Variants in AGTPBP1 observed in about 807,000 individuals in gnomAD.
AGTPBP1 encodes the protein ATP/GTP binding carboxypeptidase 1, also known as cytosolic carboxypeptidase 1.
Under a neutral mutation model 143.9 loss-of-function variants are expected in AGTPBP1, and 70 were observed. The ratio of observed to expected loss-of-function variants is 0.49; its 90% CI spans 0.40 to 0.59. The LOEUF (loss-of-function observed/expected upper bound fraction) is 0.59. Among genes scored for constraint, AGTPBP1 ranks in the 20% least tolerant of loss-of-function variants. The pLI is 0.00. For missense variants in AGTPBP1, 1,229 were observed against 1,464.5 expected (o/e 0.84, Z 2.62); for synonymous variants, 463 against 500.2 (o/e 0.93, Z 0.99).
the AGTPBP1 span, chr9:85,781,096 G>A: frequency 7.3e-7 from 1 of 1,376,102 alleles, no homozygotes; most frequent in African/African-American, 1.5e-5. Context: ...CTCTAGCCTG[G>A]GCGACAGTGC....
At chr9:85,766,402 G>A in the AGTPBP1 span, among the ~76,000 whole-genome samples, 3 of 152,096 alleles carry the variant, frequency 2.0e-5, no homozygotes, top group African/African-American at 7.2e-5. Context: ...AAAGAAGTCC[G>A]TTTTAGACAG....
At chr9:85,667,812 G>C (rs1456851740) in intron 8 of AGTPBP1, among the ~76,000 whole-genome samples, 3 of 148,126 alleles carry the variant, frequency 2.0e-5, no homozygotes, top group African/African-American at 7.5e-5. Flanking sequence ...AAAAAACAGG[G>C]AAACTTTTTT....
chr9:85,558,037 TAAAAC>T lies in AGTPBP1; in HGVS notation c.3504-10756_3504-10752del, dbSNP rs543697333. Among the ~76,000 whole-genome samples the T allele has an allele frequency of 1.4e-4, 21 of 152,340 alleles. No homozygotes were observed. The East Asian group carries it at 3.1e-3, about 22-fold the overall frequency. On this transcript the variant is annotated intron_variant, in intron 25 of 25. Coordinates refer to ENST00000357081, the MANE Select transcript of AGTPBP1 (RefSeq NM_001330701.2). The stretch of plus-strand genomic sequence containing the variant: ...ACCAAATTAGGTTTTTTAAAAATGT[TAAAAC>T]AAAATATAACTAATGCTAAGTATTT...
At chr9:85,576,314 T>C (rs1355704552) in intron 24 of AGTPBP1, among the ~76,000 whole-genome samples, 2 of 152,196 alleles carry the variant, frequency 1.3e-5, no homozygotes, top group Admixed American at 1.3e-4. Flanking sequence ...CAAGAGAAAG[T>C]ATTTTAAAAC....
intron 8 of AGTPBP1, among the ~76,000 whole-genome samples, chr9:85,667,378 G>A (rs1834192420): frequency 6.6e-6 from 1 of 152,010 alleles, no homozygotes; most frequent in Admixed American, 6.6e-5. Context: ...AAATCAAATA[G>A]TTCATGTGGA....
At chr9:85,675,267 C>T (rs927763378) in intron 6 of AGTPBP1, among the ~76,000 whole-genome samples, 13 of 152,234 alleles carry the variant, frequency 8.5e-5, no homozygotes, top group South Asian at 2.1e-4. Context: ...AGTAGACAAC[C>T]GTAAACTGAA....
At chr9:85,549,703 G>C (rs1028409532) in intron 25 of AGTPBP1, among the ~76,000 whole-genome samples, 1 of 152,188 alleles carries the variant, frequency 6.6e-6, no homozygotes, top group African/African-American at 2.4e-5. Flanking sequence ...AGGAATCTTA[G>C]AGCAATGTTG....
intron 25 of AGTPBP1, among the ~76,000 whole-genome samples, chr9:85,558,812 T>A (rs1826513213): frequency 6.6e-6 from 1 of 152,072 alleles, no homozygotes; most frequent in Non-Finnish European, 1.5e-5. Flanking sequence ...AGAGACAGGG[T>A]TTCACCACGT....
chr9:85,625,003 G>A (rs1358890797), intron 14 of AGTPBP1, among the ~76,000 whole-genome samples: 4 of 152,118 alleles, frequency 2.6e-5, no homozygotes, highest in Non-Finnish European at 5.9e-5. Flanking sequence ...TTCATAAAAA[G>A]GTTACACCAT....
At chr9:85,575,619 G>A in intron 24 of AGTPBP1, 144 bp from the exon 25 acceptor site, 1 of 551,708 alleles carries the variant, frequency 1.8e-6, no homozygotes, top group Non-Finnish European at 2.8e-6. Flanking sequence ...GACTCAACAA[G>A]TTTAACATCT....
chr9:85,776,301 G>A, the AGTPBP1 span, among the ~76,000 whole-genome samples: 69 of 152,268 alleles, frequency 4.5e-4, no homozygotes, highest in Middle Eastern at 3.4e-3. Flanking sequence ...GACAGTTACC[G>A]TCCTTGTTTC....
chr9:85,752,010 C>T, the AGTPBP1 span, among the ~76,000 whole-genome samples: 2 of 151,216 alleles, frequency 1.3e-5, no homozygotes, highest in Admixed American at 1.3e-4. Context: ...AGGTGGATCA[C>T]CTGAGTTCAG....
chr9:85,577,742 A>G (rs573091338), intron 24 of AGTPBP1, among the ~76,000 whole-genome samples: 27 of 152,338 alleles, frequency 1.8e-4, no homozygotes, highest in African/African-American at 6.3e-4. Context: ...TTATTTAAGT[A>G]AATTCTACTT....
intron 17 of AGTPBP1, among the ~76,000 whole-genome samples, chr9:85,599,493 T>TA (rs1194429297): frequency 6.6e-6 from 1 of 152,180 alleles, no homozygotes; most frequent in African/African-American, 2.4e-5. Context: ...TCCACCCTCA[T>TA]AGTCATGATT....
At chr9:85,586,581 A>G (rs1413475648) in intron 22 of AGTPBP1, among the ~76,000 whole-genome samples, 1 of 152,212 alleles carries the variant, frequency 6.6e-6, no homozygotes, top group African/African-American at 2.4e-5. Context: ...GAAGATACAT[A>G]TTGTTACCTT....
the AGTPBP1 span, among the ~76,000 whole-genome samples, chr9:85,756,674 T>C: frequency 6.6e-6 from 1 of 152,174 alleles, no homozygotes; most frequent in African/African-American, 2.4e-5. Flanking sequence ...ACAGTATTCA[T>C]AGTAGCTAGA....
intron 25 of AGTPBP1, among the ~76,000 whole-genome samples, chr9:85,563,902 G>T (rs568945604): frequency 6.6e-6 from 1 of 152,332 alleles, no homozygotes; most frequent in East Asian, 1.9e-4. Flanking sequence ...CCCAGGTGTG[G>T]TACACATGCA....
rs149522431 is a variant in AGTPBP1, at chr9:85,575,398, C to T, written c.3420G>A (p.Leu1140=). The change falls in exon 25 of 26, where the codon CTG becomes CTA. Residue 1140 remains leucine (L), a synonymous_variant. Transcript: ENST00000357081. ...FCVGLLRLKR[L]TSPLEYNLPS... ...GCAGATTATACTCCAATGGAGAGGT[C>T]AGTCTTTTCAAACGTAAAAGACCAA... 10 of 1,610,848 alleles carry T rather than the reference C, an allele frequency of 6.2e-6. No individual in the cohort carries two copies. In the African/African-American group the frequency reaches 1.3e-4, roughly 22 times the overall value.
intron 13 of AGTPBP1, among the ~76,000 whole-genome samples, chr9:85,636,726 T>C (rs1182628729): frequency 6.6e-6 from 1 of 151,962 alleles, no homozygotes; most frequent in Non-Finnish European, 1.5e-5. Context: ...TACGTTCAAT[T>C]AGAATTGCAA....
Sources: allele counts gnomAD v4.1 joint callset (sites outside exome capture counted in the v4.1 genomes callset), GRCh38; gene constraint gnomAD v4.1.1; transcripts MANE v1.5; gene names NCBI Gene and HGNC (gene_info 2026-07-23, HGNC 2026-07-21).